Variants in ELFN2 observed in about 807,000 individuals in gnomAD.
ELFN2 encodes protein phosphatase 1 regulatory subunit 29.
ELFN2 carries 17 observed loss-of-function variants against 45.5 expected under a neutral mutation model. The ratio of observed to expected loss-of-function variants is 0.37; its 90% CI spans 0.26 to 0.56. The LOEUF (loss-of-function observed/expected upper bound fraction) is 0.56, where lower values mean the gene tolerates loss of function less well. Among genes scored for constraint, ELFN2 ranks in the 20% least tolerant of loss-of-function variants. The pLI is 0.77. For missense variants in ELFN2, 922 were observed against 1,183.2 expected (o/e 0.78, Z 3.24); for synonymous variants, 550 against 551.5 (o/e 1.00, Z 0.04).
Position 37,373,017 on chromosome 22 carries a change from C to T in ELFN2, c.*55G>A. 6.5e-7 allele frequency: 1 copy of T among 1,526,898 alleles called. No homozygotes were observed. The highest frequency in any genetic ancestry group is 8.8e-7 in the Non-Finnish European group (1 of 1,138,320). 94.6% of individuals were successfully genotyped at this position (1,526,898 alleles called of 1,614,324 possible). A position where few individuals can be genotyped will look rare whatever the true frequency, so the allele number is the denominator to read the frequency against. ...CCCGCCCTGGCCGCCTGGACCCTTC[C>T]CCCAAAAGGCCCCCAGCCCTCTGGC... is the stretch of plus-strand genomic sequence containing the variant. On this transcript the variant is annotated 3_prime_UTR_variant, in exon 3 of 3. Transcript: ENST00000402918.
intron 2 of ELFN2, among the ~76,000 whole-genome samples, chr22:37,393,493 C>T (rs1003023981): frequency 6.6e-6 from 1 of 152,212 alleles, no homozygotes; most frequent in Non-Finnish European, 1.5e-5. Context: ...ACACCCCCCA[C>T]CAGTTGCCGG....
intron 2 of ELFN2, among the ~76,000 whole-genome samples, chr22:37,341,234 C>T (rs960853496): frequency 1.2e-4 from 18 of 152,102 alleles, no homozygotes; most frequent in Non-Finnish European, 2.1e-4. Flanking sequence ...CTCTGAGGCT[C>T]GCATGGCAGG....
intron 1 of ELFN2, among the ~76,000 whole-genome samples, chr22:37,358,768 GGCT>G (rs1352924512): frequency 1.3e-5 from 2 of 152,232 alleles, no homozygotes; most frequent in Non-Finnish European, 1.5e-5. Context: ...TGGGCCCACT[GGCT>G]GCTATCATCC....
chr22:37,407,613 G>A (rs747041509), intron 2 of ELFN2, among the ~76,000 whole-genome samples: 15 of 152,000 alleles, frequency 9.9e-5, no homozygotes, highest in Admixed American at 2.0e-4. Flanking sequence ...CGCCCCACCC[G>A]GCGGCCAGGC....
At chr22:37,381,955 C>CAAAAA (rs1159476533) in intron 2 of ELFN2, among the ~76,000 whole-genome samples, 10 of 59,236 alleles carry the variant, frequency 1.7e-4, no homozygotes, top group Middle Eastern at 0.014. Context: ...GACTCCGTCT[C>CAAAAA]AAAAAAAAAA....
intron 2 of ELFN2, among the ~76,000 whole-genome samples, chr22:37,405,771 G>A (rs141671101): frequency 1.3e-5 from 2 of 150,450 alleles, no homozygotes; most frequent in African/African-American, 4.9e-5. Flanking sequence ...CGAACTGTGT[G>A]ACCTTGGACA....
Position 37,374,225 on chromosome 22 carries a change from GTCT to G in ELFN2, c.1307_1309del (p.Lys436del), listed in dbSNP as rs764989723. The G allele has an allele frequency of 2.5e-6, 4 of 1,613,944 alleles. No homozygotes were observed. Among genetic ancestry groups the G allele is most frequent in the Admixed American group, 3.3e-5 (2 of 60,034 alleles). On this transcript the variant is annotated inframe_deletion, in exon 3 of 3. Transcript: ENST00000402918. ...AGCCCCGTAGCGCATCTCCAGGATG[GTCT>G]TCTTGACGTTGACAGACTTCTGCTT... is the stretch of plus-strand genomic sequence containing the variant.
intron 1 of ELFN2, among the ~76,000 whole-genome samples, chr22:37,421,000 A>G (rs915620195): frequency 6.6e-6 from 1 of 152,106 alleles, no homozygotes; most frequent in African/African-American, 2.4e-5. Context: ...TTAAAATTGC[A>G]AGTTCCTGCA....
chr22:37,342,533 T>C (rs1403911198), intron 2 of ELFN2: 1 of 152,216 alleles, frequency 6.6e-6, no homozygotes, highest in African/African-American at 2.4e-5. Context: ...TGTGCTCTGC[T>C]GAGCGAAGTC....
chr22:37,344,039 C>A (rs561956237), intron 1 of ELFN2, among the ~76,000 whole-genome samples: 13 of 147,424 alleles, frequency 8.8e-5, no homozygotes, highest in African/African-American at 3.0e-4. Context: ...CCACGCCCAC[C>A]TGCCCATGCC....
chr22:37,375,037 C>T lies in ELFN2; in HGVS notation c.498G>A (p.Leu166=), dbSNP rs1386465506. 3 of 1,613,452 alleles carry T rather than the reference C, an allele frequency of 1.9e-6. No homozygotes were observed. The African/African-American group carries it at 4.0e-5, about 22-fold the overall frequency. The change falls in exon 3 of 3, where the codon CTG becomes CTA. Residue 166 remains leucine, a synonymous_variant. Transcript: ENST00000402918. The part of the protein sequence containing the change: ...IDLSSNRLSR[L]DGATFASLAS... ...CGAGGCTGGCAAAGGTGGCACCGTC[C>T]AGGCGGCTGAGGCGGTTGGAGGACA...
At chr22:37,406,940 T>G (rs1932516716) in intron 2 of ELFN2, among the ~76,000 whole-genome samples, 1 of 152,182 alleles carries the variant, frequency 6.6e-6, no homozygotes, top group Non-Finnish European at 1.5e-5. Flanking sequence ...CTTCCCAAGG[T>G]TCCCGCCCCA....
chr22:37,353,331 C>G (rs929410773), intron 1 of ELFN2: 3 of 151,046 alleles, frequency 2.0e-5, no homozygotes, highest in Non-Finnish European at 1.5e-5. Flanking sequence ...ACAGCCAGAC[C>G]ATTCACGCTG....
chr22:37,349,146 C>T (rs998392035), intron 1 of ELFN2, among the ~76,000 whole-genome samples: 2 of 151,270 alleles, frequency 1.3e-5, no homozygotes, highest in Non-Finnish European at 3.0e-5. Context: ...ATGTGATACA[C>T]CCGGAAAGGG....
intron 1 of ELFN2, chr22:37,420,240 A>T (rs981206260): frequency 6.6e-6 from 1 of 151,604 alleles, no homozygotes; most frequent in African/African-American, 2.4e-5. Context: ...GGTCCGCGGC[A>T]GTTCCCGCCC....
chr22:37,361,584 C>A (rs1201006686), intron 1 of ELFN2, among the ~76,000 whole-genome samples: 1 of 152,118 alleles, frequency 6.6e-6, no homozygotes, highest in African/African-American at 2.4e-5. Context: ...ATAGCCTTTT[C>A]CTCCAAACAG....
In ELFN2 at chr22:37,373,370, T is replaced by C; in HGVS notation, c.2165A>G (p.Asp722Gly). The change falls in exon 3 of 3, where the codon GAC (aspartate) becomes GGC (glycine). Residue 722 changes from aspartate (D) to glycine (G), a missense_variant. Coordinates refer to ENST00000402918, the MANE Select transcript of ELFN2 (RefSeq NM_052906.5). Reference sequence around the variant, plus strand: ...GAAGGACACGCGCTGGCTCAGGCTGTCGGCACCCTCCTCGTAGTACAGGGC... The same window carrying C: ...GAAGGACACGCGCTGGCTCAGGCTGCCGGCACCCTCCTCGTAGTACAGGGC... Reference protein sequence around the residue: ...FPALYYEEGADSLSQRVSFLK... With the variant: ...FPALYYEEGAGSLSQRVSFLK... 6.2e-7 allele frequency: 1 copy of C among 1,612,392 alleles called. No individual in the cohort carries two copies. Among genetic ancestry groups the C allele is most frequent in the South Asian group, 1.1e-5 (1 of 90,972 alleles).
intron 1 of ELFN2, among the ~76,000 whole-genome samples, chr22:37,358,235 G>A (rs1364256698): frequency 6.6e-6 from 1 of 152,118 alleles, no homozygotes; most frequent in Admixed American, 6.5e-5. Flanking sequence ...GTCACTCCGT[G>A]AACCTACAGT....
intron 2 of ELFN2, among the ~76,000 whole-genome samples, chr22:37,342,159 G>A (rs1930573395): frequency 6.6e-6 from 1 of 152,182 alleles, no homozygotes; most frequent in African/African-American, 2.4e-5. Flanking sequence ...GACCGAGCAA[G>A]TCTTCCCCTG....
Sources: gnomAD v4.1 joint callset for allele counts (sites outside exome capture counted in the v4.1 genomes callset) on GRCh38, gnomAD v4.1.1 for gene constraint, MANE v1.5 for transcripts, NCBI Gene and HGNC (gene_info 2026-07-23, HGNC 2026-07-21) for gene names.